Variants in SHANK2 observed in about 807,000 individuals in gnomAD.
The protein encoded by SHANK2 is SH3 and multiple ankyrin repeat domains protein 2.
SHANK2 carries 43 observed loss-of-function variants against 133.7 expected under a neutral mutation model. The ratio of observed to expected loss-of-function variants is 0.32; its 90% CI spans 0.25 to 0.41. The LOEUF (loss-of-function observed/expected upper bound fraction) is 0.41. Among genes scored for constraint, SHANK2 ranks in the 10% least tolerant of loss-of-function variants. The probability of loss-of-function intolerance (pLI) is 1.00; values close to 1 mark genes in which losing one functional copy is unlikely to be tolerated. For missense variants in SHANK2, 1,994 were observed against 2,235.8 expected (o/e 0.89, Z 2.18); for synonymous variants, 1,017 against 952.8 (o/e 1.07, Z -1.24).
chr11:70,897,062 T>A (rs1949946674), intron 10 of SHANK2, among the ~76,000 whole-genome samples: 2 of 152,204 alleles, frequency 1.3e-5, no homozygotes. Flanking sequence ...ATTCTACCCA[T>A]AGATGTATGC....
chr11:71,197,712 G>A (rs1008928789), intron 2 of SHANK2, among the ~76,000 whole-genome samples: 7 of 152,142 alleles, frequency 4.6e-5, no homozygotes, highest in Admixed American at 1.3e-4. Flanking sequence ...GTGCAGTGGC[G>A]CAATCTTGAC....
At chr11:71,056,187 A>G (rs997200192) in intron 10 of SHANK2, among the ~76,000 whole-genome samples, 3 of 152,200 alleles carry the variant, frequency 2.0e-5, no homozygotes, top group Non-Finnish European at 4.4e-5. Context: ...ACAGCTGCAC[A>G]GTTGGAAGCA....
chr11:70,893,281 C>T (rs1555075074), intron 11 of SHANK2, among the ~76,000 whole-genome samples: 1 of 152,236 alleles, frequency 6.6e-6, no homozygotes, highest in Non-Finnish European at 1.5e-5. Flanking sequence ...AAGACACATG[C>T]AGGCAAAAAA....
At chr11:70,933,266 A>C (rs1555082837) in intron 10 of SHANK2, 1 of 455,486 alleles carries the variant, frequency 2.2e-6, no homozygotes, top group Non-Finnish European at 4.4e-6. Flanking sequence ...AACCAGTCAC[A>C]AAAAGATGAA....
rs1180493638 is a variant in SHANK2 at position 70,914,457 on chromosome 11, C to T, written c.1108-17890G>A. 3.3e-5 allele frequency among the ~76,000 whole-genome samples: 5 copies of T among 151,806 alleles called. No homozygotes were observed. The East Asian group carries it at 9.7e-4, about 29-fold the overall frequency. On this transcript the variant is annotated intron_variant, in intron 10 of 25. Coordinates refer to ENST00000601538, the MANE Select transcript of SHANK2 (RefSeq NM_012309.5). ...GGAATACAGAGAGAAGCTTAAAAAC[C>T]CAGCCTCGCACAGAAAGGCCTTTCA...
chr11:70,670,383 T>TG (rs1565229705), intron 15 of SHANK2, among the ~76,000 whole-genome samples: 1 of 152,104 alleles, frequency 6.6e-6, no homozygotes, highest in African/African-American at 2.4e-5. Flanking sequence ...AGCAGTTACG[T>TG]GGGGGGTGTT....
chr11:71,145,144 C>A (rs1207599398), intron 3 of SHANK2, among the ~76,000 whole-genome samples: 1 of 152,216 alleles, frequency 6.6e-6, no homozygotes, highest in African/African-American at 2.4e-5. Context: ...GCCCCTGGGG[C>A]CAGTGGCATG....
intron 17 of SHANK2, among the ~76,000 whole-genome samples, chr11:70,578,244 G>A (rs1554984706): frequency 6.8e-6 from 1 of 147,538 alleles, no homozygotes; most frequent in African/African-American, 2.5e-5. Context: ...CAGGATGCCT[G>A]CAGGGCACAC....
At chr11:71,225,311 T>C (rs782113124) in intron 1 of SHANK2, among the ~76,000 whole-genome samples, 4 of 152,200 alleles carry the variant, frequency 2.6e-5, no homozygotes, top group Non-Finnish European at 5.9e-5. Context: ...TTCCACCCTG[T>C]GTGGCTATAA....
At position 70,632,739 on chromosome 11, in the gene SHANK2, G is replaced by A. The variant is rs550891700; in HGVS notation, c.2061+27089C>T. On this transcript the variant is annotated intron_variant, in intron 17 of 25. Transcript: ENST00000601538. ...GCCGGCCAGCCAACCAGAAAAGGGC[G>A]CATGAGGGTACATCCGGGCTGCAGA... Among the ~76,000 whole-genome samples, 10 of 152,212 alleles carry A rather than the reference G, an allele frequency of 6.6e-5. No homozygotes were observed. In the South Asian group the frequency reaches 1.2e-3, roughly 19 times the overall value.
At position 70,676,711 on chromosome 11, in the gene SHANK2, GGATGGCTTCCTGACAACTTAA is replaced by G. The variant is rs1481831868; in HGVS notation, c.1854-15054_1854-15034del. Among the ~76,000 whole-genome samples the G allele has an allele frequency of 1.5e-4, 23 of 152,292 alleles. No individual in the cohort carries two copies. The East Asian group carries it at 4.4e-3, about 29-fold the overall frequency. On this transcript the variant is annotated intron_variant, in intron 15 of 25. Transcript: ENST00000601538. ...ATTAGAAGATACGGGCAAAACACTG[GGATGGCTTCCTGACAACTTAA>G]GAGGTCTCCGAGTTATATTCTGGGT...
In SHANK2 at chr11:70,808,946, T is replaced by C. The variant is rs372590218; in HGVS notation, c.1494-1775A>G. On this transcript the variant is annotated intron_variant, in intron 12 of 25. Coordinates refer to ENST00000601538, the MANE Select transcript of SHANK2 (RefSeq NM_012309.5). ...CAGCGAACCACGCTAGAGGAACTCA[T>C]ATCCGTTCTTGCTGTATGTCATTGA... 2.6e-5 allele frequency among the ~76,000 whole-genome samples: 4 copies of C among 152,308 alleles called. No individual in the cohort carries two copies. The East Asian group carries it at 5.8e-4, about 22-fold the overall frequency.
intron 10 of SHANK2, among the ~76,000 whole-genome samples, chr11:70,916,041 C>T (rs781945709): frequency 6.6e-6 from 1 of 152,118 alleles, no homozygotes; most frequent in Non-Finnish European, 1.5e-5. Flanking sequence ...TTTTGGGAGC[C>T]AGACATGTCT....
chr11:70,783,933 C>A (rs1555045808), intron 14 of SHANK2, among the ~76,000 whole-genome samples: 1 of 152,204 alleles, frequency 6.6e-6, no homozygotes, highest in East Asian at 1.9e-4. Context: ...CTCCCAGATG[C>A]CTGCCCTGGG....
chr11:71,207,592 G>T (rs565888874), intron 2 of SHANK2, among the ~76,000 whole-genome samples: 2 of 152,290 alleles, frequency 1.3e-5, no homozygotes, highest in African/African-American at 4.8e-5. Context: ...TTCTTTCCAA[G>T]AAAAGGGGAA....
At chr11:71,185,775 G>A (rs7937397) in intron 2 of SHANK2, among the ~76,000 whole-genome samples, 1 of 151,686 alleles carries the variant, frequency 6.6e-6, no homozygotes, top group African/African-American at 2.4e-5. Context: ...CCTCTTGCAC[G>A]TGACCCTTCA....
intron 9 of SHANK2, among the ~76,000 whole-genome samples, chr11:71,064,036 C>T (rs1458429575): frequency 1.3e-5 from 2 of 151,904 alleles, no homozygotes; most frequent in Non-Finnish European, 2.9e-5. Context: ...CATATGAAGA[C>T]CTGCAGTTCC....
chr11:71,167,094 C>A (rs1555111037), intron 2 of SHANK2, among the ~76,000 whole-genome samples: 1 of 151,876 alleles, frequency 6.6e-6, no homozygotes, highest in Admixed American at 6.6e-5. Context: ...TCAGATAGCA[C>A]AGGGTTGGGG....
At chr11:70,669,960 A>G (rs1555015660) in intron 15 of SHANK2, among the ~76,000 whole-genome samples, 1 of 152,232 alleles carries the variant, frequency 6.6e-6, no homozygotes, top group African/African-American at 2.4e-5. Flanking sequence ...TTTTCATGGC[A>G]GAAAGGTACA....
Sources: gnomAD v4.1 joint callset for allele counts (sites outside exome capture counted in the v4.1 genomes callset) on GRCh38, gnomAD v4.1.1 for gene constraint, MANE v1.5 for transcripts, NCBI Gene and HGNC (gene_info 2026-07-23, HGNC 2026-07-21) for gene names.